TOMM7: variants seen among roughly 807,000 people sequenced by gnomAD.
TOMM7 encodes translocase of outer mitochondrial membrane 7.
A neutral mutation model predicts 9.5 loss-of-function variants in TOMM7; 8 were observed. The ratio of observed to expected loss-of-function variants is 0.84; its 90% CI spans 0.49 to 1.51. TOMM7 has a LOEUF of 1.51. TOMM7 is among the 40% of genes most tolerant of loss of function. TOMM7 has a pLI of 0.00. For missense variants in TOMM7, 74 were observed against 63.7 expected (o/e 1.16, Z -0.55); for synonymous variants, 27 against 21.4 (o/e 1.26, Z -0.72).
intron 1 of TOMM7, chr7:22,822,361 G>A: frequency 5.3e-6 from 7 of 1,325,484 alleles, no homozygotes; most frequent in Non-Finnish European, 7.1e-6. Context: ...TAGTGCTAGA[G>A]AGTGAATTAG....
Position 22,818,002 on chromosome 7 carries a change from C to T in TOMM7, c.150G>A (p.Leu50=). 1.2e-6 allele frequency: 2 copies of T among 1,613,692 alleles called. No individual in the cohort carries two copies. The highest frequency in any genetic ancestry group is 1.7e-6 in the Non-Finnish European group (2 of 1,179,772). Residue 50 remains leucine, a splice_region_variant and synonymous_variant, in exon 2 of 3, where the codon TTG becomes TTA. Coordinates refer to ENST00000358435, the MANE Select transcript of TOMM7 (RefSeq NM_019059.5). ...ADPGMPEPTV[L]SLLWG ...ATGTTTAGTTTTAAGAGCAGTACCT[C>T]AAAACAGTTGGTTCAGGCATTCCGG...
At chr7:22,820,799 AGTAAT>A (rs1782377397) in intron 1 of TOMM7, among the ~76,000 whole-genome samples, 1 of 152,198 alleles carries the variant, frequency 6.6e-6, no homozygotes, top group Non-Finnish European at 1.5e-5. Context: ...AATCTAGAAA[AGTAAT>A]GTTTTTTTAA....
intron 2 of TOMM7, 145 bp from the exon 3 acceptor site, chr7:22,813,330 C>G: frequency 1.5e-6 from 1 of 676,260 alleles, no homozygotes. Flanking sequence ...ATCAATCCCA[C>G]TGAACAAACA....
chr7:22,822,572 CA>C, intron 1 of TOMM7, 104 bp downstream of exon 1: 1 of 979,764 alleles, frequency 1.0e-6, no homozygotes, highest in Non-Finnish European at 1.6e-6. Flanking sequence ...CCGTGCACGG[CA>C]GTGTCCCCTA....
chr7:22,817,395 A>C (rs1782330287), intron 2 of TOMM7: 1 of 158,206 alleles, frequency 6.3e-6, no homozygotes, highest in Non-Finnish European at 1.4e-5. Flanking sequence ...ATGTACACAC[A>C]AATGTTAATT....
intron 2 of TOMM7, among the ~76,000 whole-genome samples, chr7:22,816,897 A>G (rs1283698942): frequency 6.6e-6 from 1 of 152,250 alleles, no homozygotes; most frequent in Non-Finnish European, 1.5e-5. Flanking sequence ...AACTAGACAC[A>G]TTGCATAAAA....
chr7:22,821,495 C>G (rs1049470634), intron 1 of TOMM7, among the ~76,000 whole-genome samples: 4 of 151,762 alleles, frequency 2.6e-5, no homozygotes, highest in African/African-American at 7.3e-5. Flanking sequence ...AGGCCGCGCG[C>G]GGGGCGGAGG....
Position 22,817,839 on chromosome 7 carries a change from G to A in TOMM7, c.152+161C>T, listed in dbSNP as rs1782336107. On this transcript the variant is annotated intron_variant, in intron 2 of 2. Coordinates refer to ENST00000358435, the MANE Select transcript of TOMM7 (RefSeq NM_019059.5). Reference sequence around the variant, plus strand: ...ACATGGTACAGTAAATACAAATTAGGAGGGGGAAGAGAAAGTAGTTGCAGT... The same window carrying A: ...ACATGGTACAGTAAATACAAATTAGAAGGGGGAAGAGAAAGTAGTTGCAGT... 1.7e-5 allele frequency: 10 copies of A among 599,320 alleles called. No homozygotes were observed. The South Asian group carries it at 2.2e-4, about 13-fold the overall frequency. 37.1% of individuals were successfully genotyped at this position (599,320 alleles called of 1,614,324 possible). A position where few individuals can be genotyped will look rare whatever the true frequency, so the allele number is the denominator to read the frequency against.
chr7:22,820,281 C>CTTGA (rs57138300), intron 1 of TOMM7, among the ~76,000 whole-genome samples: 4,323 of 152,238 alleles, frequency 0.028, 207 homozygotes, highest in African/African-American at 0.098. Context: ...TCTCATATAA[C>CTTGA]TTGAATTGAA....
intron 1 of TOMM7, 134 bp downstream of exon 1, chr7:22,822,543 G>T: frequency 1.2e-6 from 1 of 833,348 alleles, no homozygotes; most frequent in Non-Finnish European, 2.0e-6. Context: ...GGCCCCACTT[G>T]ACCAGACAGC....
rs1782409534 is a variant in TOMM7, at chr7:22,822,616, G to C, written c.103+61C>G. 5 of 1,467,302 alleles carry C rather than the reference G, an allele frequency of 3.4e-6. No homozygotes were observed. The South Asian group carries it at 5.7e-5, about 17-fold the overall frequency. 90.9% of individuals were successfully genotyped at this position (1,467,302 alleles called of 1,614,324 possible). ...CTCCCTCCCCCGACGGCCAAAAATG[G>C]GGCTGCTGTCTCCGCCACCCTCTTC... On this transcript the variant is annotated intron_variant, in intron 1 of 2. Coordinates refer to ENST00000358435, the MANE Select transcript of TOMM7 (RefSeq NM_019059.5).
rs764242809 is a variant in TOMM7, at chr7:22,822,730, T to C, written c.50A>G (p.Lys17Arg). The C allele has an allele frequency of 6.2e-7, 1 of 1,614,090 alleles. No individual in the cohort carries two copies. Among genetic ancestry groups the C allele is most frequent in the Non-Finnish European group, 8.5e-7 (1 of 1,180,046 alleles). The change falls in exon 1 of 3, where the codon AAG (lysine) becomes AGG (arginine). Residue 17 changes from lysine (K) to arginine (R), a missense_variant. Physicochemically the swap from Lys to Arg is conservative, Grantham distance 26. Transcript: ENST00000358435. ...EAKQRLQQLF[K>R]GSQFAIRWGF... ...CCAGCGAATGGCAAACTGGCTCCCCTTGAAGAGCTGCTGTAGTCTCTGCTT... is the reference window on the plus strand; with the variant it reads ...CCAGCGAATGGCAAACTGGCTCCCCCTGAAGAGCTGCTGTAGTCTCTGCTT...
chr7:22,815,143 T>C (rs1009767832), intron 2 of TOMM7, among the ~76,000 whole-genome samples: 1 of 152,018 alleles, frequency 6.6e-6, no homozygotes, highest in African/African-American at 2.4e-5. Flanking sequence ...AGGGTTAGTA[T>C]CAGGAAGGAG....
At chr7:22,814,684 C>T (rs886709243) in intron 2 of TOMM7, among the ~76,000 whole-genome samples, 1 of 152,140 alleles carries the variant, frequency 6.6e-6, no homozygotes, top group Admixed American at 6.6e-5. Context: ...TATTAAAGTA[C>T]TTTTGAATAA....
At chr7:22,822,031 T>C (rs1583464979) in intron 1 of TOMM7, 1 of 1,183,244 alleles carries the variant, frequency 8.5e-7, no homozygotes, top group Non-Finnish European at 1.1e-6. Flanking sequence ...CCCAAATCCT[T>C]TAAGTGCGCT....
At chr7:22,819,638 T>C (rs1381899772) in intron 1 of TOMM7, among the ~76,000 whole-genome samples, 2 of 152,188 alleles carry the variant, frequency 1.3e-5, no homozygotes, top group African/African-American at 2.4e-5. Context: ...CCTGCACATG[T>C]GGTGGATTGC....
chr7:22,821,104 G>A (rs1352354891), intron 1 of TOMM7, among the ~76,000 whole-genome samples: 1 of 152,182 alleles, frequency 6.6e-6, no homozygotes, highest in Non-Finnish European at 1.5e-5. Context: ...CCTGAGTGGG[G>A]CAGTAAAATT....
intron 1 of TOMM7, chr7:22,822,163 G>A (rs1195559474): frequency 6.5e-7 from 1 of 1,550,382 alleles, no homozygotes; most frequent in Non-Finnish European, 8.7e-7. Flanking sequence ...CCTGTAAAAT[G>A]GGGGCAGTAA....
At chr7:22,819,605 T>G (rs1258967340) in intron 1 of TOMM7, among the ~76,000 whole-genome samples, 3 of 152,190 alleles carry the variant, frequency 2.0e-5, no homozygotes, top group Non-Finnish European at 2.9e-5. Flanking sequence ...TCCTGACCCC[T>G]GGTAATCCAC....
Sources: allele counts gnomAD v4.1 joint callset (sites outside exome capture counted in the v4.1 genomes callset), GRCh38; gene constraint gnomAD v4.1.1; transcripts MANE v1.5; gene names NCBI Gene and HGNC (gene_info 2026-07-23, HGNC 2026-07-21).